Variants in NAALADL2 observed in about 807,000 individuals in gnomAD.
NAALADL2 encodes the protein N-acetylated alpha-linked acidic dipeptidase like 2.
In NAALADL2, 76 loss-of-function variants were observed where a neutral mutation model predicts 87.2. The ratio of observed to expected loss-of-function variants is 0.87; its 90% CI spans 0.72 to 1.05. The LOEUF (loss-of-function observed/expected upper bound fraction) is 1.05. NAALADL2 is among the 50% of genes least tolerant of loss of function. The pLI is 0.00. For missense variants in NAALADL2, 1,089 were observed against 945.8 expected (o/e 1.15, Z -1.99); for synonymous variants, 354 against 331.0 (o/e 1.07, Z -0.75).
intron 5 of NAALADL2, among the ~76,000 whole-genome samples, chr3:175,394,329 A>G (rs1769487311): frequency 6.6e-6 from 1 of 152,192 alleles, no homozygotes; most frequent in Non-Finnish European, 1.5e-5. Flanking sequence ...ATAGTTAACA[A>G]TGCATTGTAT....
At chr3:175,357,332 G>A (rs1764495965) in intron 5 of NAALADL2, among the ~76,000 whole-genome samples, 1 of 152,130 alleles carries the variant, frequency 6.6e-6, no homozygotes, top group East Asian at 1.9e-4. Context: ...ATCACAAAAA[G>A]TAAGAAATGT....
At chr3:174,709,539 G>T (rs138432900) in intron 2 of NAALADL2, among the ~76,000 whole-genome samples, 1 of 152,226 alleles carries the variant, frequency 6.6e-6, no homozygotes, top group African/African-American at 2.4e-5. Flanking sequence ...GTATTCTTAA[G>T]GTGATATGGC....
intron 1 of NAALADL2, among the ~76,000 whole-genome samples, chr3:174,449,887 C>CTAAATA (rs757218723): frequency 3.9e-5 from 6 of 151,972 alleles, no homozygotes; most frequent in Non-Finnish European, 7.4e-5. Flanking sequence ...CTAAATGTTC[C>CTAAATA]ACATGATATT....
At chr3:175,042,928 G>C (rs1440438709) in intron 1 of NAALADL2, among the ~76,000 whole-genome samples, 1 of 151,960 alleles carries the variant, frequency 6.6e-6, no homozygotes, top group Non-Finnish European at 1.5e-5. Flanking sequence ...AGACCCATGA[G>C]AGTTGATTCT....
At chr3:175,635,055 T>G (rs1287689051) in intron 11 of NAALADL2, among the ~76,000 whole-genome samples, 6 of 152,024 alleles carry the variant, frequency 3.9e-5, no homozygotes, top group Non-Finnish European at 5.9e-5. Context: ...AATATAGGTG[T>G]GTGTATTTTC....
chr3:174,697,139 A>C (rs1459170688), intron 2 of NAALADL2, among the ~76,000 whole-genome samples: 1 of 152,200 alleles, frequency 6.6e-6, no homozygotes, highest in Non-Finnish European at 1.5e-5. Flanking sequence ...CGCATAGAAA[A>C]TAAAGCATCT....
At chr3:174,925,358 T>G (rs988558371) in intron 1 of NAALADL2, among the ~76,000 whole-genome samples, 1 of 152,146 alleles carries the variant, frequency 6.6e-6, no homozygotes, top group African/African-American at 2.4e-5. Context: ...TTTTGTCAGG[T>G]TTTTCAAAGA....
chr3:175,236,663 G>T (rs1402289818), intron 3 of NAALADL2, among the ~76,000 whole-genome samples: 3 of 152,088 alleles, frequency 2.0e-5, no homozygotes, highest in African/African-American at 7.2e-5. Context: ...TAATGGAGGT[G>T]GTGGTGGAGG....
intron 2 of NAALADL2, among the ~76,000 whole-genome samples, chr3:175,119,815 A>G (rs1346692950): frequency 6.8e-6 from 1 of 146,298 alleles, no homozygotes; most frequent in Admixed American, 6.9e-5. Context: ...ATCTATATAT[A>G]AAAGTATATA....
intron 2 of NAALADL2, among the ~76,000 whole-genome samples, chr3:175,169,672 T>A (rs1360437226): frequency 6.6e-6 from 1 of 151,786 alleles, no homozygotes; most frequent in Non-Finnish European, 1.5e-5. Context: ...ATCCTGTCCG[T>A]GATGCATCCC....
At chr3:175,695,731 T>C (rs986905679) in intron 11 of NAALADL2, among the ~76,000 whole-genome samples, 3 of 152,098 alleles carry the variant, frequency 2.0e-5, no homozygotes, top group African/African-American at 7.2e-5. Flanking sequence ...AACATAGATT[T>C]CAAAGTACAG....
intron 2 of NAALADL2, among the ~76,000 whole-genome samples, chr3:174,616,216 G>A (rs1720447859): frequency 6.6e-6 from 1 of 151,506 alleles, no homozygotes; most frequent in African/African-American, 2.4e-5. Context: ...AGATCAGATA[G>A]GAAATATAAA....
In NAALADL2 at chr3:175,807,258, G is replaced by A. The variant is rs924603280; in HGVS notation, c.*4055G>A. 2.0e-5 allele frequency: 3 copies of A among 151,822 alleles called. No homozygotes were observed. The highest frequency in any genetic ancestry group is 3.9e-4 in the East Asian group (2 of 5,174). The allele number at this position is 151,822 out of a possible 1,614,324, so 9.4% of individuals were successfully genotyped here. ...TTTTAAAAATTCAGAATAACCAATT[G>A]ACTTTTTAAATTAAATAAACGTAGA... is the stretch of plus-strand genomic sequence containing the variant. On this transcript the variant is annotated 3_prime_UTR_variant, in exon 14 of 14. Coordinates refer to ENST00000454872, the MANE Select transcript of NAALADL2 (RefSeq NM_207015.3).
intron 1 of NAALADL2, among the ~76,000 whole-genome samples, chr3:175,013,143 TAATAC>T (rs1424067898): frequency 1.3e-5 from 1 of 79,702 alleles, no homozygotes; most frequent in Non-Finnish European, 2.7e-5. Flanking sequence ...TATAAATATG[TAATAC>T]ATATTTATAT....
At chr3:175,054,687 A>G (rs1353701290) in intron 1 of NAALADL2, among the ~76,000 whole-genome samples, 1 of 152,212 alleles carries the variant, frequency 6.6e-6, no homozygotes, top group African/African-American at 2.4e-5. Flanking sequence ...AATGGCCACT[A>G]TCAAAAATGA....
Position 175,803,329 on chromosome 3 carries a change from T to C in NAALADL2, c.*126T>C. ...CTTTTTGACAAGTATAAAGCTATTA[T>C]TACATTGTATTTTTTAAATGTAAAT... On this transcript the variant is annotated 3_prime_UTR_variant, in exon 14 of 14. Coordinates refer to ENST00000454872, the MANE Select transcript of NAALADL2 (RefSeq NM_207015.3). 1 of 507,938 alleles carries C rather than the reference T, an allele frequency of 2.0e-6. No individual in the cohort carries two copies. Among genetic ancestry groups the C allele is most frequent in the South Asian group, 4.6e-5 (1 of 21,946 alleles). 31.5% of individuals were successfully genotyped at this position (507,938 alleles called of 1,614,324 possible). A position where few individuals can be genotyped will look rare whatever the true frequency, so the allele number is the denominator to read the frequency against.
At chr3:175,537,552 T>G (rs191193761) in intron 9 of NAALADL2, among the ~76,000 whole-genome samples, 2 of 152,308 alleles carry the variant, frequency 1.3e-5, no homozygotes, top group Admixed American at 1.3e-4. Context: ...GAGAGCAACT[T>G]TCAAAGTACC....
intron 9 of NAALADL2, among the ~76,000 whole-genome samples, chr3:175,508,171 AG>A (rs1297041561): frequency 2.0e-5 from 3 of 152,206 alleles, no homozygotes; most frequent in Non-Finnish European, 2.9e-5. Context: ...CTTATCACCA[AG>A]GGGATGACCC....
intron 9 of NAALADL2, among the ~76,000 whole-genome samples, chr3:175,494,750 C>T (rs914858070): frequency 2.0e-5 from 3 of 152,032 alleles, no homozygotes; most frequent in African/African-American, 4.8e-5. Flanking sequence ...CCCTTACCAT[C>T]GGGTATCGCA....
Sources: allele counts gnomAD v4.1 joint callset (sites outside exome capture counted in the v4.1 genomes callset), GRCh38; gene constraint gnomAD v4.1.1; transcripts MANE v1.5; gene names NCBI Gene and HGNC (gene_info 2026-07-23, HGNC 2026-07-21).